The following LRRC42 variants were observed in gnomAD, a reference collection of about 807,000 sequenced individuals.
The protein encoded by LRRC42 is leucine rich repeat containing 42.
Under a neutral mutation model 44.3 loss-of-function variants are expected in LRRC42, and 43 were observed. The ratio of observed to expected loss-of-function variants is 0.97; its 90% confidence interval spans 0.76 to 1.25. LRRC42 has a LOEUF of 1.25. Ranked by LOEUF, LRRC42 falls within the 50% of genes most tolerant of loss-of-function variation. The probability of loss-of-function intolerance (pLI) is 0.00; values close to 1 mark genes in which losing one functional copy is unlikely to be tolerated. For synonymous variants in LRRC42, 207 were observed against 195.2 expected (o/e 1.06, Z -0.50); for missense variants, 540 against 509.1 (o/e 1.06, Z -0.58).
intron 2 of LRRC42, among the ~76,000 whole-genome samples, chr1:53,950,288 C>A (rs1654636621): frequency 6.6e-6 from 1 of 152,196 alleles, no homozygotes; most frequent in South Asian, 2.1e-4. Context: ...GACATGAGAG[C>A]ATGGCCAGTT....
rs1173197206 is a variant in LRRC42 at position 53,952,414 on chromosome 1, C to T, written c.415C>T (p.Gln139Ter). ...GCCAGGTGCAGGGCTGAGGGCTTTA[C>T]AGAAATTCACTGAGGCCTATGGAAG... The part of the protein sequence containing the change: ...TEPGAGLRAL[Q>*]KFTEAYGSLV... Residue 139 changes from glutamine (Q) to a stop codon, truncating the protein, a stop_gained, in exon 3 of 9, where the codon CAG becomes TAG. Transcript: ENST00000371370. LOFTEE classifies it high-confidence loss of function. 2 of 1,610,348 alleles carry T rather than the reference C, an allele frequency of 1.2e-6. No individual in the cohort carries two copies. The highest frequency in any genetic ancestry group is 1.7e-6 in the Non-Finnish European group (2 of 1,176,928).
chr1:53,955,114 T>C (rs952040781), intron 3 of LRRC42, among the ~76,000 whole-genome samples: 1 of 152,140 alleles, frequency 6.6e-6, no homozygotes, highest in Non-Finnish European at 1.5e-5. Context: ...TTTAAATGTA[T>C]GTATTGGACA....
At position 53,952,232 on chromosome 1, in the gene LRRC42, G is replaced by A. The variant is rs546591876; in HGVS notation, c.233G>A (p.Arg78Gln). ...KTDHFIFTYTREGNLRYSAKS... is the reference protein window; with the variant it reads ...KTDHFIFTYTQEGNLRYSAKS... ...GATCATTTCATCTTCACATACACCC[G>A]AGAGGGGAATCTTCGGTACTCCGCC... The change falls in exon 3 of 9, where the codon CGA becomes CAA. Residue 78 changes from arginine to glutamine, a missense_variant. By Grantham distance (43) the Arg-to-Gln change is conservative. Transcript: ENST00000371370. 36 of 1,614,204 alleles carry A rather than the reference G, an allele frequency of 2.2e-5. No homozygotes were observed. In the Admixed American group the frequency reaches 2.7e-4, roughly 12 times the overall value.
intron 3 of LRRC42, among the ~76,000 whole-genome samples, chr1:53,955,559 A>T (rs1318319015): frequency 6.6e-6 from 1 of 152,088 alleles, no homozygotes; most frequent in Non-Finnish European, 1.5e-5. Flanking sequence ...CAGCCTTCCA[A>T]AGTGCTGGGA....
chr1:53,964,082 C>T (rs1189774568), intron 7 of LRRC42, among the ~76,000 whole-genome samples: 2 of 151,922 alleles, frequency 1.3e-5, no homozygotes, highest in Non-Finnish European at 2.9e-5. Context: ...CTGTCCCACC[C>T]CCTCCTTGCC....
chr1:53,960,777 CATCTTT>C (rs1200566836), intron 5 of LRRC42, among the ~76,000 whole-genome samples: 1 of 152,204 alleles, frequency 6.6e-6, no homozygotes, highest in Admixed American at 6.5e-5. Flanking sequence ...ACATTTGACT[CATCTTT>C]ATTTTCCTTG....
At position 53,968,076 on chromosome 1, in the gene LRRC42, G is replaced by C; in HGVS notation, c.*137G>C. The C allele has an allele frequency of 1.2e-6, 1 of 861,488 alleles. No homozygotes were observed. The allele number at this position is 861,488 out of a possible 1,614,324, so 53.4% of individuals were successfully genotyped here. ...GCAGATATTTCTACTTTTGTGGTGTGGGAGGGGAATGCTATGGAAGTATGT... is the reference window on the plus strand; with the variant it reads ...GCAGATATTTCTACTTTTGTGGTGTCGGAGGGGAATGCTATGGAAGTATGT... On this transcript the variant is annotated 3_prime_UTR_variant, in exon 9 of 9. Transcript: ENST00000371370.
intron 2 of LRRC42, among the ~76,000 whole-genome samples, chr1:53,950,945 G>A (rs1204194377): frequency 6.6e-6 from 1 of 152,204 alleles, no homozygotes; most frequent in Non-Finnish European, 1.5e-5. Flanking sequence ...GTTGCTTTTG[G>A]TCTTTGTAAA....
chr1:53,955,918 G>A (rs148553251), intron 3 of LRRC42, among the ~76,000 whole-genome samples: 2,044 of 152,232 alleles, frequency 0.013, 50 homozygotes, highest in African/African-American at 0.046. Context: ...GTGAGCCACC[G>A]CGCCCGGCCA....
Position 53,966,324 on chromosome 1 carries a change from C to T in LRRC42, c.956C>T (p.Ala319Val), listed in dbSNP as rs561723350. 8.1e-6 allele frequency: 13 copies of T among 1,613,588 alleles called. No individual in the cohort carries two copies. Among genetic ancestry groups the T allele is most frequent in the African/African-American group, 6.7e-5 (5 of 75,044 alleles). The change falls in exon 8 of 9, where the codon GCG becomes GTG. Residue 319 changes from alanine (A) to valine (V), a missense_variant. By Grantham distance (64) the Ala-to-Val change is moderately conservative. Transcript: ENST00000371370. ...QIVLQWERVTAEAVKPRETSE... is the reference protein window; with the variant it reads ...QIVLQWERVTVEAVKPRETSE... ...GTTCTGCAGTGGGAGCGTGTGACTG[C>T]GGAAGCTGTGAAGCCACGGGAGACC...
At chr1:53,960,844 G>A (rs189065826) in intron 5 of LRRC42, among the ~76,000 whole-genome samples, 1 of 152,140 alleles carries the variant, frequency 6.6e-6, no homozygotes, top group African/African-American at 2.4e-5. Context: ...ATCAGTGTTT[G>A]CCTGATGAAA....
intron 4 of LRRC42, among the ~76,000 whole-genome samples, chr1:53,959,153 T>C (rs1201174320): frequency 6.6e-6 from 1 of 152,200 alleles, no homozygotes; most frequent in Non-Finnish European, 1.5e-5. Context: ...GCCCTTTATT[T>C]ATCCAGTCCT....
At chr1:53,955,046 A>AT (rs1654791957) in intron 3 of LRRC42, among the ~76,000 whole-genome samples, 1 of 152,236 alleles carries the variant, frequency 6.6e-6, no homozygotes. Context: ...AAATTATAGT[A>AT]TATTTATATG....
chr1:53,967,886 C>T lies in LRRC42; in HGVS notation c.1234C>T (p.Gln412Ter). The T allele has an allele frequency of 6.2e-7, 1 of 1,614,188 alleles. No individual in the cohort carries two copies. Among genetic ancestry groups the T allele is most frequent in the Non-Finnish European group, 8.5e-7 (1 of 1,180,042 alleles). ...GAATAACTCTTCACAACCTTCAAAG[C>T]AGAAATATGTATGTCTTGCTGTGGA... ...EQNNSSQPSK[Q>*]KYVCLAVEDW... is the part of the protein sequence containing the mutation. The change falls in exon 9 of 9, where the codon CAG becomes TAG. Residue 412 changes from glutamine (Q) to a stop codon, truncating the protein, a stop_gained. Transcript: ENST00000371370. LOFTEE classifies it high-confidence loss of function.
At chr1:53,946,680 G>A (rs957934843) in intron 1 of LRRC42, 131 bp downstream of exon 1, 1 of 151,800 alleles carries the variant, frequency 6.6e-6, no homozygotes, top group Non-Finnish European at 1.5e-5. Context: ...GGGTTGAGGG[G>A]AGGATGAGGT....
At position 53,952,408 on chromosome 1, in the gene LRRC42, G is replaced by A; in HGVS notation, c.409G>A (p.Ala137Thr). 6.2e-7 allele frequency: 1 copy of A among 1,611,248 alleles called. No homozygotes were observed. The highest frequency in any genetic ancestry group is 8.5e-7 in the Non-Finnish European group (1 of 1,177,546). The change falls in exon 3 of 9, where the codon GCT becomes ACT. Residue 137 changes from alanine to threonine, a missense_variant. Ala to Thr is a moderately conservative substitution (Grantham distance 58). Coordinates refer to ENST00000371370, the MANE Select transcript of LRRC42 (RefSeq NM_001256409.2). The part of the protein sequence containing the change: ...KFTEPGAGLR[A>T]LQKFTEAYGS... ...CACTGAGCCAGGTGCAGGGCTGAGG[G>A]CTTTACAGAAATTCACTGAGGCCTA... is the stretch of plus-strand genomic sequence containing the variant.
chr1:53,952,184 A>G lies in LRRC42; in HGVS notation c.185A>G (p.Asp62Gly). Residue 62 changes from aspartate (D) to glycine (G), a missense_variant, in exon 3 of 9, where the codon GAC becomes GGC. By Grantham distance (94) the Asp-to-Gly change is moderately conservative. Transcript: ENST00000371370. The stretch of plus-strand genomic sequence containing the variant: ...GAGCTTTGCATGAACAGGGAAGACG[A>G]CACTGCACGGAAAGAGAAGACTGAT... ...SVELCMNRED[D>G]TARKEKTDHF... The G allele has an allele frequency of 1.2e-6, 2 of 1,614,164 alleles. No homozygotes were observed. The highest frequency in any genetic ancestry group is 1.3e-5 in the African/African-American group (1 of 75,074).
intron 8 of LRRC42, among the ~76,000 whole-genome samples, chr1:53,967,396 CAG>C (rs1569851928): frequency 6.6e-6 from 1 of 152,144 alleles, no homozygotes; most frequent in Admixed American, 6.5e-5. Context: ...GGTGATTAAA[CAG>C]AATCTCAGAC....
chr1:53,966,767 AAAGT>A, intron 8 of LRRC42, among the ~76,000 whole-genome samples: 1 of 152,112 alleles, frequency 6.6e-6, no homozygotes, highest in South Asian at 2.1e-4. Flanking sequence ...TCAGGCTTTA[AAAGT>A]AAGGAAACCG....
Sources: gnomAD v4.1 joint callset for allele counts (sites outside exome capture counted in the v4.1 genomes callset) on GRCh38, gnomAD v4.1.1 for gene constraint, MANE v1.5 for transcripts, NCBI Gene and HGNC (gene_info 2026-07-23, HGNC 2026-07-21) for gene names.